The following FHIT variants were observed in gnomAD, a reference collection of about 807,000 sequenced individuals.
FHIT encodes bis(5'-adenosyl)-triphosphatase.
FHIT carries 19 observed loss-of-function variants against 17.9 expected under a neutral mutation model. The ratio of observed to expected loss-of-function variants is 1.06; its 90% CI spans 0.74 to 1.56. The LOEUF (loss-of-function observed/expected upper bound fraction) is 1.56. Among genes scored for constraint, FHIT ranks in the 40% most tolerant of loss-of-function variants. The pLI, the probability that FHIT is intolerant of heterozygous loss-of-function variation, is 0.00. For missense variants in FHIT, 248 were observed against 189.2 expected (o/e 1.31, Z -1.82); for synonymous variants, 81 against 69.7 (o/e 1.16, Z -0.81).
chr3:60,802,821 C>G (rs1553732732), intron 4 of FHIT, among the ~76,000 whole-genome samples: 2 of 151,852 alleles, frequency 1.3e-5, no homozygotes, highest in African/African-American at 4.8e-5. Context: ...GTAACCAGGA[C>G]AACTCTTGTT....
intron 2 of FHIT, among the ~76,000 whole-genome samples, chr3:61,085,848 C>T (rs899510800): frequency 6.6e-6 from 1 of 152,078 alleles, no homozygotes; most frequent in African/African-American, 2.4e-5. Flanking sequence ...TTCCACCTCA[C>T]CTTCTTTGGA....
intron 1 of FHIT, among the ~76,000 whole-genome samples, chr3:61,203,243 G>A (rs1470648629): frequency 6.7e-6 from 1 of 149,666 alleles, no homozygotes; most frequent in Admixed American, 6.7e-5. Flanking sequence ...CAGCTACTCA[G>A]GAGGCTGAGG....
At chr3:59,897,718 T>C (rs528504688) in intron 8 of FHIT, among the ~76,000 whole-genome samples, 71 of 151,426 alleles carry the variant, frequency 4.7e-4, no homozygotes, top group Non-Finnish European at 8.6e-4. Context: ...TGAGCATCCC[T>C]AATCTGAAAA....
chr3:60,565,231 AT>A (rs1264249097), intron 4 of FHIT, among the ~76,000 whole-genome samples: 1 of 152,192 alleles, frequency 6.6e-6, no homozygotes, highest in African/African-American at 2.4e-5. Context: ...TAAAATTCAC[AT>A]GACTGATTTA....
chr3:59,929,632 T>C (rs906535537), intron 7 of FHIT, among the ~76,000 whole-genome samples: 2 of 152,080 alleles, frequency 1.3e-5, no homozygotes, highest in African/African-American at 4.8e-5. Context: ...CAGCATCTAT[T>C]GTTCTATGTT....
rs782002061 is a variant in FHIT, at chr3:60,592,852, G to T, written c.-17-55873C>A. Among the ~76,000 whole-genome samples the T allele has an allele frequency of 1.3e-5, 2 of 152,096 alleles. 1 individual carries two copies. Among genetic ancestry groups the T allele is most frequent in the African/African-American group, 4.8e-5 (2 of 41,444 alleles). On this transcript the variant is annotated intron_variant, in intron 4 of 9. Coordinates refer to ENST00000492590, the MANE Select transcript of FHIT (RefSeq NM_002012.4). The stretch of plus-strand genomic sequence containing the variant: ...TCTGGAGAGAGTGAGTAGAGCCTCC[G>T]TGAGATCTTGTCCTCTCTTCTAGCC...
chr3:60,464,575 A>C (rs992908841), intron 5 of FHIT, among the ~76,000 whole-genome samples: 2 of 151,924 alleles, frequency 1.3e-5, no homozygotes, highest in African/African-American at 4.8e-5. Flanking sequence ...AGTTGTTTTA[A>C]ATTTTTAGTT....
At chr3:60,582,523 T>C (rs1553660009) in intron 4 of FHIT, among the ~76,000 whole-genome samples, 1 of 152,114 alleles carries the variant, frequency 6.6e-6, no homozygotes. Context: ...TGAATGCGGA[T>C]ACAACCTTCT....
intron 5 of FHIT, among the ~76,000 whole-genome samples, chr3:60,313,195 A>T (rs1379874124): frequency 2.6e-5 from 4 of 152,244 alleles, no homozygotes; most frequent in Non-Finnish European, 5.9e-5. Context: ...AACATTACAT[A>T]TGATATAAAT....
Position 60,399,360 on chromosome 3 carries a change from T to C in FHIT, c.103+137500A>G, listed in dbSNP as rs1057205238. ...TCTTCTCACAGTGTGTGAAGACTCA[T>C]TCTCCCAAAAGATGAGCACAAAGGA... On this transcript the variant is annotated intron_variant, in intron 5 of 9. Coordinates refer to ENST00000492590, the MANE Select transcript of FHIT (RefSeq NM_002012.4). 2.0e-5 allele frequency among the ~76,000 whole-genome samples: 3 copies of C among 152,152 alleles called. No individual in the cohort carries two copies. The East Asian group carries it at 5.8e-4, about 29-fold the overall frequency.
At chr3:59,922,512 G>T (rs2107192652) in intron 7 of FHIT, 98 bp from the exon 8 acceptor site, 3 of 963,954 alleles carry the variant, frequency 3.1e-6, no homozygotes, top group East Asian at 2.5e-5. Flanking sequence ...CTCCACGATG[G>T]TTCCTGCTGG....
chr3:59,761,600 C>CAATTT (rs1175040818), intron 8 of FHIT, among the ~76,000 whole-genome samples: 1 of 151,890 alleles, frequency 6.6e-6, no homozygotes, highest in East Asian at 1.9e-4. Context: ...AGGATCTTAG[C>CAATTT]AATTTATTTT....
intron 5 of FHIT, among the ~76,000 whole-genome samples, chr3:60,140,499 C>T (rs1342377871): frequency 6.6e-6 from 1 of 151,802 alleles, no homozygotes; most frequent in Non-Finnish European, 1.5e-5. Flanking sequence ...TGGCCAATGA[C>T]CACCACATGA....
At chr3:60,804,026 C>T (rs1256336664) in intron 4 of FHIT, among the ~76,000 whole-genome samples, 6 of 152,162 alleles carry the variant, frequency 3.9e-5, no homozygotes, top group South Asian at 2.1e-4. Flanking sequence ...TCGGATGACA[C>T]GCAACTAACA....
chr3:59,786,074 G>T (rs1050419204), intron 8 of FHIT, among the ~76,000 whole-genome samples: 10 of 152,102 alleles, frequency 6.6e-5, no homozygotes, highest in Admixed American at 6.6e-5. Context: ...AATATATCTT[G>T]GCTTGATGGG....
chr3:60,194,417 A>T (rs1702532929), intron 5 of FHIT, among the ~76,000 whole-genome samples: 1 of 152,186 alleles, frequency 6.6e-6, no homozygotes, highest in South Asian at 2.1e-4. Flanking sequence ...CTTATCTCTC[A>T]TCATATACAA....
intron 4 of FHIT, among the ~76,000 whole-genome samples, chr3:60,584,427 T>C (rs1030699294): frequency 6.6e-6 from 1 of 151,976 alleles, no homozygotes; most frequent in Middle Eastern, 3.2e-3. Flanking sequence ...GCGGTGGCGG[T>C]GGCAGTAACT....
At chr3:59,754,796 A>ATCTT (rs1380398740) in intron 8 of FHIT, among the ~76,000 whole-genome samples, 1 of 152,234 alleles carries the variant, frequency 6.6e-6, no homozygotes, top group Non-Finnish European at 1.5e-5. Context: ...AAAACTAATC[A>ATCTT]TCTTTGCAAA....
At chr3:60,095,756 C>T (rs1223845824) in intron 5 of FHIT, among the ~76,000 whole-genome samples, 2 of 152,182 alleles carry the variant, frequency 1.3e-5, no homozygotes, top group Non-Finnish European at 2.9e-5. Flanking sequence ...AAACAACAGC[C>T]TGTTCGTTCT....
Sources: gnomAD v4.1 joint callset for allele counts (sites outside exome capture counted in the v4.1 genomes callset) on GRCh38, gnomAD v4.1.1 for gene constraint, MANE v1.5 for transcripts, NCBI Gene and HGNC (gene_info 2026-07-23, HGNC 2026-07-21) for gene names.